HORMAD1: variants seen among roughly 807,000 people sequenced by gnomAD.
HORMAD1 encodes the protein HORMA domain-containing protein 1.
HORMAD1 carries 33 observed loss-of-function variants against 58.2 expected under a neutral mutation model. The ratio of observed to expected loss-of-function variants is 0.57; its 90% CI spans 0.43 to 0.76. The LOEUF is 0.76. Among genes scored for constraint, HORMAD1 ranks in the 30% least tolerant of loss-of-function variants. The pLI is 0.00. For missense variants in HORMAD1, 363 were observed against 462.0 expected (o/e 0.79, Z 1.96); for synonymous variants, 137 against 144.6 (o/e 0.95, Z 0.38).
rs1651610895 is a variant in HORMAD1 at position 150,704,034 on chromosome 1, G to A, written c.948+84C>T. 4.7e-6 allele frequency: 4 copies of A among 853,192 alleles called. No homozygotes were observed. In the South Asian group the frequency reaches 5.6e-5, roughly 12 times the overall value. 52.9% of individuals were successfully genotyped at this position (853,192 alleles called of 1,614,324 possible). A position where few individuals can be genotyped will look rare whatever the true frequency, so the allele number is the denominator to read the frequency against. On this transcript the variant is annotated intron_variant, in intron 12 of 14. Coordinates refer to ENST00000361824, the MANE Select transcript of HORMAD1 (RefSeq NM_032132.5). ...TTTTATTCTAAAAGACCTGGAATAA[G>A]AAAATCTGAAAAATAAAAAATTAGC...
At chr1:150,711,429 A>T (rs1651898776) in intron 7 of HORMAD1, 116 bp downstream of exon 7, 4 of 790,182 alleles carry the variant, frequency 5.1e-6, no homozygotes, top group South Asian at 1.7e-5. Flanking sequence ...GAAAATATAT[A>T]TGAAAGTATA....
In HORMAD1 at chr1:150,714,112, T is replaced by C; in HGVS notation, c.252A>G (p.Gly84=). 1 of 1,525,286 alleles carries C rather than the reference T, an allele frequency of 6.6e-7. No individual in the cohort carries two copies. Among genetic ancestry groups the C allele is most frequent in the Non-Finnish European group, 9.0e-7 (1 of 1,113,206 alleles). The allele number at this position is 1,525,286 out of a possible 1,614,324, so 94.5% of individuals were successfully genotyped here. A position where few individuals can be genotyped will look rare whatever the true frequency, so the allele number is the denominator to read the frequency against. The part of the protein sequence containing the change: ...GSTQLVKWML[G]CYDALQKKYL... ...ATTTTTTCTGTAAAGCATCATAACATCCTAGCATCCTAAAAAAAAAATCAA... is the reference window on the plus strand; with the variant it reads ...ATTTTTTCTGTAAAGCATCATAACACCCTAGCATCCTAAAAAAAAAATCAA... Residue 84 remains glycine, a synonymous_variant, in exon 5 of 15, where the codon GGA becomes GGG. Coordinates refer to ENST00000361824, the MANE Select transcript of HORMAD1 (RefSeq NM_032132.5).
At position 150,706,821 on chromosome 1, in the gene HORMAD1, T is replaced by C. The variant is rs1651711351; in HGVS notation, c.548-12A>G. The C allele has an allele frequency of 4.4e-6, 7 of 1,601,100 alleles. No homozygotes were observed. The South Asian group carries it at 5.6e-5, about 13-fold the overall frequency. ...ATCTGGGGGTGTAACTGCAAAAAAG[T>C]AAGTGTAAACTGTGCTGTTCATGAA... On this transcript the variant is annotated splice_polypyrimidine_tract_variant and intron_variant, in intron 9 of 14. Transcript: ENST00000361824.
chr1:150,719,453 CAA>C lies in HORMAD1; in HGVS notation c.33+18_33+19del, dbSNP rs775625167. The C allele has an allele frequency of 1.3e-6, 2 of 1,505,736 alleles. No individual in the cohort carries two copies. Among genetic ancestry groups the C allele is most frequent in the Non-Finnish European group, 9.1e-7 (1 of 1,096,018 alleles). The allele number at this position is 1,505,736 out of a possible 1,614,324, so 93.3% of individuals were successfully genotyped here. On this transcript the variant is annotated intron_variant, in intron 2 of 14. Transcript: ENST00000361824. ...AAAAGCAGCTATTATTAAGATATAC[CAA>C]AATACAAGAAATCATACCATGGGAG...
chr1:150,719,450 T>C (rs1652178741), intron 2 of HORMAD1, 23 bp downstream of exon 2: 3 of 1,475,914 alleles, frequency 2.0e-6, no homozygotes, highest in East Asian at 2.3e-5. Flanking sequence ...TATTAAGATA[T>C]ACCAAAATAC....
Position 150,711,527 on chromosome 1 carries a change from T to TAA in HORMAD1, c.327+16_327+17dup, listed in dbSNP as rs756257553. 13 of 1,567,364 alleles carry TAA rather than the reference T, an allele frequency of 8.3e-6. No individual in the cohort carries two copies. The highest frequency in any genetic ancestry group is 1.1e-5 in the Non-Finnish European group (12 of 1,139,346). On this transcript the variant is annotated intron_variant, in intron 7 of 14. Transcript: ENST00000361824. ...TATTAGAGGCATTATGTTTCTTTAG[T>TAA]AACTCAAGCACACTTACCTGAGGAT...
At chr1:150,707,833 G>A (rs1651743649) in intron 9 of HORMAD1, among the ~76,000 whole-genome samples, 1 of 152,162 alleles carries the variant, frequency 6.6e-6, no homozygotes, top group African/African-American at 2.4e-5. Flanking sequence ...TTACTCAGGA[G>A]GCTGAGACAG....
chr1:150,718,846 G>C (rs1031552999), intron 2 of HORMAD1, among the ~76,000 whole-genome samples: 1 of 152,070 alleles, frequency 6.6e-6, no homozygotes, highest in African/African-American at 2.4e-5. Context: ...TCATGTTCTA[G>C]AGGTGGACTG....
At chr1:150,716,040 C>A (rs1160933491) in intron 3 of HORMAD1, among the ~76,000 whole-genome samples, 14 of 151,310 alleles carry the variant, frequency 9.3e-5, no homozygotes, top group African/African-American at 3.4e-4. Context: ...TGTGGTACAG[C>A]CATGCAATAG....
chr1:150,698,773 C>A, intron 14 of HORMAD1, 39 bp from the exon 15 acceptor site: 1 of 1,130,490 alleles, frequency 8.8e-7, no homozygotes, highest in Non-Finnish European at 1.3e-6. Context: ...AGATACTTTC[C>A]TGTTTAAATG....
At chr1:150,714,718 A>G in intron 3 of HORMAD1, 40 bp from the exon 4 acceptor site, 2 of 989,414 alleles carry the variant, frequency 2.0e-6, no homozygotes, top group Non-Finnish European at 3.0e-6. Context: ...TACTTAAGAA[A>G]AGTAAACAAC....
Position 150,708,465 on chromosome 1 carries a change from A to G in HORMAD1, c.396-58T>C, listed in dbSNP as rs587602715. On this transcript the variant is annotated intron_variant, in intron 8 of 14. Transcript: ENST00000361824. ...AAAACCTGTGGCTTCTAATATCATA[A>G]CTTTACATTTTAACTATTTGAGATT... 3.5e-6 allele frequency: 4 copies of G among 1,128,812 alleles called. No individual in the cohort carries two copies. In the South Asian group the frequency reaches 6.6e-5, roughly 19 times the overall value. 69.9% of individuals were successfully genotyped at this position (1,128,812 alleles called of 1,614,324 possible).
intron 13 of HORMAD1, 81 bp from the exon 14 acceptor site, chr1:150,700,264 T>A: frequency 1.3e-6 from 1 of 763,814 alleles, no homozygotes; most frequent in Non-Finnish European, 2.3e-6. Context: ...TATGCAACGA[T>A]ATGCAATATT....
At chr1:150,703,815 A>G (rs1418412788) in intron 12 of HORMAD1, among the ~76,000 whole-genome samples, 1 of 152,220 alleles carries the variant, frequency 6.6e-6, no homozygotes, top group African/African-American at 2.4e-5. Flanking sequence ...ACACAAATGT[A>G]TTATATATTC....
In HORMAD1 at chr1:150,704,124, A is replaced by T. The variant is rs1651613533; in HGVS notation, c.942T>A (p.His314Gln). Residue 314 changes from histidine (H) to glutamine (Q), a missense_variant, in exon 12 of 15, where the codon CAT becomes CAA. This residue lies in a region of HORMAD1 where 226 missense variants were observed against 257.8 expected (regional missense o/e 0.88). Coordinates refer to ENST00000361824, the MANE Select transcript of HORMAD1 (RefSeq NM_032132.5). Reference sequence around the variant, plus strand: ...GAAACTATCAAGTTTATACCTGAGAATGAGAAATAGAAAGATCTGGACTTT... The same window carrying T: ...GAAACTATCAAGTTTATACCTGAGATTGAGAAATAGAAAGATCTGGACTTT... ...SKESPDLSIS[H>Q]SQVEQLVNKT... The T allele has an allele frequency of 6.3e-7, 1 of 1,585,630 alleles. No individual in the cohort carries two copies. The highest frequency in any genetic ancestry group is 8.6e-7 in the Non-Finnish European group (1 of 1,167,200).
At chr1:150,709,554 C>T (rs2101866856) in intron 7 of HORMAD1, among the ~76,000 whole-genome samples, 1 of 152,306 alleles carries the variant, frequency 6.6e-6, no homozygotes, top group African/African-American at 2.4e-5. Context: ...GGGTATTGTC[C>T]AAGGTTTCTC....
intron 7 of HORMAD1, among the ~76,000 whole-genome samples, chr1:150,709,507 T>C (rs967698046): frequency 3.3e-5 from 5 of 151,568 alleles, no homozygotes; most frequent in East Asian, 1.9e-4. Context: ...GCACAATGCA[T>C]TGCGGAAAGC....
chr1:150,705,084 A>C (rs1651654052), intron 10 of HORMAD1, among the ~76,000 whole-genome samples: 1 of 151,862 alleles, frequency 6.6e-6, no homozygotes, highest in Non-Finnish European at 1.5e-5. Flanking sequence ...AAACCAGAAA[A>C]CCCCAAAAAC....
Position 150,715,744 on chromosome 1 carries a change from T to C in HORMAD1, c.179-1066A>G, listed in dbSNP as rs587677286. Among the ~76,000 whole-genome samples, 3 of 152,116 alleles carry C rather than the reference T, an allele frequency of 2.0e-5. 1 individual carries two copies. The highest frequency in any genetic ancestry group is 7.2e-5 in the African/African-American group (3 of 41,492). On this transcript the variant is annotated intron_variant, in intron 3 of 14. Coordinates refer to ENST00000361824, the MANE Select transcript of HORMAD1 (RefSeq NM_032132.5). ...ACGCCTGGCCCTGGCTGTATTATTT[T>C]TACTTCCTTAAAATAGCACAAGAAC...
Sources: allele counts gnomAD v4.1 joint callset (sites outside exome capture counted in the v4.1 genomes callset), GRCh38; gene constraint gnomAD v4.1.1; regional missense constraint gnomAD v4.1.1; transcripts MANE v1.5; gene names NCBI Gene and HGNC (gene_info 2026-07-23, HGNC 2026-07-21).